The following NXPE2 variants were observed in gnomAD, a reference collection of about 807,000 sequenced individuals.
NXPE2 encodes the protein neurexophilin and PC-esterase domain family member 2.
A neutral mutation model predicts 34.4 loss-of-function variants in NXPE2; 34 were observed. The observed-to-expected ratio is 0.99, with a 90% CI of 0.75 to 1.31. The LOEUF is 1.31. Among genes scored for constraint, NXPE2 ranks in the 40% most tolerant of loss-of-function variants. The pLI is 0.00. For synonymous variants in NXPE2, 235 were observed against 231.3 expected, an observed-to-expected ratio of 1.02 and a Z score of -0.15; for missense variants, 649 against 672.5, an observed-to-expected ratio of 0.97 and a Z score of 0.39.
At chr11:114,809,862 AAAAAG>A in the NXPE2 span, among the ~76,000 whole-genome samples, 5 of 122,550 alleles carry the variant, frequency 4.1e-5, no homozygotes, top group African/African-American at 1.2e-4. Context: ...TATGGAACCA[AAAAAG>A]AGCCCACATC....
At chr11:114,734,327 T>A in the NXPE2 span, among the ~76,000 whole-genome samples, 2 of 152,226 alleles carry the variant, frequency 1.3e-5, no homozygotes, top group Non-Finnish European at 1.5e-5. Context: ...GCTCTGCTAT[T>A]TGCTATATGT....
chr11:114,706,853 T>A lies in NXPE2; in HGVS notation c.1603T>A (p.Tyr535Asn), dbSNP rs1951487003. Residue 535 changes from tyrosine (Y) to asparagine (N), a missense_variant, in exon 6 of 6, where the codon TAT becomes AAT. By Grantham distance (143) the Tyr-to-Asn change is moderately radical (BLOSUM62 -2). Transcript: ENST00000389586. ...TGATGCCTGGGACATGACGATTGCA[T>A]ATTGCACCAACAATGCCCATCCACC... Reference protein sequence around the residue: ...IIDAWDMTIAYCTNNAHPPDY... With the variant: ...IIDAWDMTIANCTNNAHPPDY... 5 of 1,551,934 alleles carry A rather than the reference T, an allele frequency of 3.2e-6. No homozygotes were observed. The highest frequency in any genetic ancestry group is 4.4e-6 in the Non-Finnish European group (5 of 1,146,938).
chr11:114,734,603 C>T, the NXPE2 span, among the ~76,000 whole-genome samples: 1 of 152,144 alleles, frequency 6.6e-6, no homozygotes, highest in Non-Finnish European at 1.5e-5. Context: ...TGGCTATCAA[C>T]AGAAAGTAAT....
chr11:114,527,873 CCTT>C, the NXPE2 span: 1 of 1,606,342 alleles, frequency 6.2e-7, no homozygotes, highest in Middle Eastern at 1.7e-4. Context: ...TGTTTACGAT[CCTT>C]CATCATTTCA....
At chr11:114,653,843 T>A in the NXPE2 span, among the ~76,000 whole-genome samples, 3 of 152,094 alleles carry the variant, frequency 2.0e-5, no homozygotes, top group East Asian at 5.8e-4. Context: ...TGCTTTCTTT[T>A]CTACCTACCT....
the NXPE2 span, among the ~76,000 whole-genome samples, chr11:114,565,132 A>G: frequency 6.6e-6 from 1 of 152,222 alleles, no homozygotes; most frequent in Non-Finnish European, 1.5e-5. Context: ...AATGGAAAAT[A>G]TTGAAAAACA....
chr11:114,605,611 G>T, the NXPE2 span, among the ~76,000 whole-genome samples: 1 of 151,920 alleles, frequency 6.6e-6, no homozygotes, highest in Non-Finnish European at 1.5e-5. Flanking sequence ...CTGTTACCCG[G>T]TGGATAATAA....
intron 2 of NXPE2, among the ~76,000 whole-genome samples, chr11:114,688,660 G>T (rs183523682): frequency 6.6e-6 from 1 of 152,010 alleles, no homozygotes; most frequent in Non-Finnish European, 1.5e-5. Flanking sequence ...CAGTAGGATT[G>T]GTACCACTCT....
At chr11:114,493,867 T>G in the NXPE2 span, among the ~76,000 whole-genome samples, 1 of 152,168 alleles carries the variant, frequency 6.6e-6, no homozygotes, top group South Asian at 2.1e-4. Context: ...AGAACTCCCT[T>G]TATCATTTCT....
the NXPE2 span, among the ~76,000 whole-genome samples, chr11:114,810,272 T>C: frequency 2.6e-5 from 4 of 151,054 alleles, no homozygotes; most frequent in African/African-American, 7.3e-5. Flanking sequence ...ATTCAGGACA[T>C]AGGCATGGGC....
At chr11:114,623,458 G>A in the NXPE2 span, among the ~76,000 whole-genome samples, 22 of 151,996 alleles carry the variant, frequency 1.4e-4, no homozygotes, top group Admixed American at 7.2e-4. Flanking sequence ...ACTGTTATCC[G>A]GTGCATAATA....
chr11:114,556,293 A>C, the NXPE2 span, among the ~76,000 whole-genome samples: 1 of 152,216 alleles, frequency 6.6e-6, no homozygotes, highest in South Asian at 2.1e-4. Flanking sequence ...CAAAACCTAC[A>C]AACTCTGTTT....
the NXPE2 span, among the ~76,000 whole-genome samples, chr11:114,787,864 T>G: frequency 6.6e-6 from 1 of 152,148 alleles, no homozygotes; most frequent in Non-Finnish European, 1.5e-5. Flanking sequence ...TACTGAATAT[T>G]GTTCATTGGT....
chr11:114,696,161 A>T (rs1277064654), intron 2 of NXPE2, among the ~76,000 whole-genome samples: 1 of 151,620 alleles, frequency 6.6e-6, no homozygotes, highest in East Asian at 1.9e-4. Context: ...ACATGGTAAA[A>T]CCCCACCTCT....
the NXPE2 span, chr11:114,552,846 A>G: frequency 1.0e-6 from 1 of 971,472 alleles, no homozygotes; most frequent in African/African-American, 1.8e-5. Flanking sequence ...AATACTGGGT[A>G]CTTACCCAAT....
chr11:114,485,509 C>T, the NXPE2 span, among the ~76,000 whole-genome samples: 1 of 149,280 alleles, frequency 6.7e-6, no homozygotes. Flanking sequence ...GGATTACAGG[C>T]GTGAACCACC....
the NXPE2 span, among the ~76,000 whole-genome samples, chr11:114,792,175 T>A: frequency 6.6e-6 from 1 of 152,180 alleles, no homozygotes; most frequent in Admixed American, 6.5e-5. Context: ...TAGGGGTGCC[T>A]TTGGCAGATT....
At chr11:114,638,658 C>T in the NXPE2 span, among the ~76,000 whole-genome samples, 2 of 151,906 alleles carry the variant, frequency 1.3e-5, no homozygotes, top group South Asian at 2.1e-4. Flanking sequence ...GATGTCCTTT[C>T]TGTTTGTTAG....
At chr11:114,630,695 C>T in the NXPE2 span, among the ~76,000 whole-genome samples, 1 of 151,108 alleles carries the variant, frequency 6.6e-6, no homozygotes, top group Non-Finnish European at 1.5e-5. Context: ...AACTAAAGAG[C>T]TTCTGCACAG....
Sources: gnomAD v4.1 joint callset for allele counts (sites outside exome capture counted in the v4.1 genomes callset) on GRCh38, gnomAD v4.1.1 for gene constraint, MANE v1.5 for transcripts, NCBI Gene and HGNC (gene_info 2026-07-23, HGNC 2026-07-21) for gene names.